LDHD: variants seen among roughly 807,000 people sequenced by gnomAD.
LDHD encodes lactate dehydrogenase D.
A neutral mutation model predicts 52.9 loss-of-function variants in LDHD; 58 were observed. The ratio of observed to expected loss-of-function variants is 1.10; its 90% CI spans 0.89 to 1.36. The LOEUF is 1.36. Among genes scored for constraint, LDHD ranks in the 40% most tolerant of loss-of-function variants. LDHD has a pLI of 0.00. For synonymous variants in LDHD, 350 were observed against 288.6 expected, an observed-to-expected ratio of 1.21 and a Z score of -2.16; for missense variants, 747 against 668.0, an observed-to-expected ratio of 1.12 and a Z score of -1.30.
In LDHD at chr16:75,114,547, G is replaced by A. The variant is rs1377876138; in HGVS notation, c.608C>T (p.Ala203Val). 1 of 1,528,906 alleles carries A rather than the reference G, an allele frequency of 6.5e-7. No homozygotes were observed. The highest frequency in any genetic ancestry group is 8.7e-7 in the Non-Finnish European group (1 of 1,143,020). 94.7% of individuals were successfully genotyped at this position (1,528,906 alleles called of 1,614,324 possible). Reference sequence around the variant, plus strand: ...TCACCGGAAATGCCGGCCTCGGCCCGCCGTGTGCAGCAGCCGCCCGTCGGG... The same window carrying A: ...TCACCGGAAATGCCGGCCTCGGCCCACCGTGTGCAGCAGCCGCCCGTCGGG... ...VLPDGRLLHT[A>V]GRGRHFRKSA... is the part of the protein sequence containing the mutation. Residue 203 changes from alanine (A) to valine (V), a missense_variant, in exon 5 of 11, where the codon GCG (alanine) becomes GTG (valine). Ala to Val is a moderately conservative substitution (Grantham distance 64). Coordinates refer to ENST00000450168, the MANE Select transcript of LDHD (RefSeq NM_194436.3).
intron 2 of LDHD, 89 bp downstream of exon 2, chr16:75,115,459 T>C (rs1247480362): frequency 8.2e-6 from 13 of 1,587,194 alleles, no homozygotes; most frequent in Non-Finnish European, 1.1e-5. Context: ...CCAAAACAGA[T>C]GAGTGAGGAG....
Position 75,113,857 on chromosome 16 carries a change from T to C in LDHD, c.843A>G (p.Glu281=). 1 of 1,613,920 alleles carries C rather than the reference T, an allele frequency of 6.2e-7. No homozygotes were observed. The change falls in exon 7 of 11, where the codon GAA becomes GAG. Residue 281 remains glutamate (E), a synonymous_variant. Coordinates refer to ENST00000450168, the MANE Select transcript of LDHD (RefSeq NM_194436.3). The part of the protein sequence containing the change: ...VPVARIEFLD[E]VMMDACNRYS... ...ACCTGTTGCAGGCATCCATCATGAC[T>C]TCATCCAGGAACTCTGGATCCAGGG...
rs867181044 is a variant in LDHD, at chr16:75,112,763, C to T, written c.1178-50G>A. The T allele has an allele frequency of 3.1e-6, 5 of 1,600,942 alleles. No individual in the cohort carries two copies. In the South Asian group the frequency reaches 5.5e-5, roughly 18 times the overall value. ...TTCTCCAGCCCAGTCCTCCTCTTGC[C>T]TCCTGCTGCCCCAGGCTCTGATCAG... On this transcript the variant is annotated intron_variant, in intron 9 of 10. Transcript: ENST00000450168.
In LDHD at chr16:75,114,836, AC is replaced by A; in HGVS notation, c.459del (p.Trp153CysfsTer121). ...GGTTCGCGAGTCCTACCCACGGGAAACCAGAGGCCGCTGTCCCGCAGGTGGG... is the reference window on the plus strand; with the variant it reads ...GGTTCGCGAGTCCTACCCACGGGAAACAGAGGCCGCTGTCCCGCAGGTGGG... ...LNAHLRDSGLWFPVDPGADAS... is the reference protein window; with the variant it reads ...LNAHLRDSGLXFPVDPGADAS... On this transcript the variant is annotated frameshift_variant, in exon 4 of 11. Coordinates refer to ENST00000450168, the MANE Select transcript of LDHD (RefSeq NM_194436.3). LOFTEE classifies it high-confidence loss of function. 1.2e-6 allele frequency: 2 copies of A among 1,612,996 alleles called. No individual in the cohort carries two copies. The highest frequency in any genetic ancestry group is 2.7e-5 in the African/African-American group (2 of 74,998).
chr16:75,114,781 C>T lies in LDHD; in HGVS notation c.469+46G>A, dbSNP rs201416688. The T allele has an allele frequency of 3.0e-4, 480 of 1,595,946 alleles. No individual in the cohort carries two copies. The Middle Eastern group carries it at 3.4e-3, about 11-fold the overall frequency. ...CCCCTGAACCCCAGACACAGCCCTG[C>T]TCCCACGGTGCCCTCAGGGTCCCAG... On this transcript the variant is annotated intron_variant, in intron 4 of 10. Coordinates refer to ENST00000450168, the MANE Select transcript of LDHD (RefSeq NM_194436.3).
chr16:75,116,601 C>T, intron 1 of LDHD, 48 bp downstream of exon 1: 1 of 1,515,136 alleles, frequency 6.6e-7, no homozygotes, highest in Non-Finnish European at 9.1e-7. Flanking sequence ...CCCCTGCTCC[C>T]CGCTCCCCAC....
chr16:75,114,721 C>A, intron 4 of LDHD, 36 bp from the exon 5 acceptor site: 1 of 1,544,702 alleles, frequency 6.5e-7, no homozygotes. Flanking sequence ...CCTCAGGGAC[C>A]GGAGGTCCTT....
chr16:75,112,287 G>T lies in LDHD; in HGVS notation c.*69C>A. On this transcript the variant is annotated 3_prime_UTR_variant, in exon 11 of 11. Coordinates refer to ENST00000450168, the MANE Select transcript of LDHD (RefSeq NM_194436.3). ...GCATCTATTTCCTTGCAGGGGCCGT[G>T]GCATGAAGAAAAGTTCCAGAACCGG... is the stretch of plus-strand genomic sequence containing the variant. 2 of 1,513,112 alleles carry T rather than the reference G, an allele frequency of 1.3e-6. No homozygotes were observed. The highest frequency in any genetic ancestry group is 9.0e-7 in the Non-Finnish European group (1 of 1,113,984). 93.7% of individuals were successfully genotyped at this position (1,513,112 alleles called of 1,614,324 possible).
intron 3 of LDHD, 97 bp downstream of exon 3, chr16:75,115,101 C>T: frequency 1.3e-6 from 2 of 1,547,412 alleles, no homozygotes; most frequent in Non-Finnish European, 8.7e-7. Context: ...CGGGCGGGAG[C>T]AGACCCAAGG....
rs1021013753 is a variant in LDHD, at chr16:75,114,965, C to T, written c.331G>A (p.Gly111Ser). Residue 111 changes from glycine (G) to serine (S), a missense_variant, in exon 4 of 11, where the codon GGC (glycine) becomes AGC (serine). Coordinates refer to ENST00000450168, the MANE Select transcript of LDHD (RefSeq NM_194436.3). The part of the protein sequence containing the change: ...LEGGVCAVQG[G>S]VCVNLTHMDR... ...ATATGCGTCAGGTTAACGCAGACGC[C>T]GCCCTGGTTGGGGCAGGTGCTAAGA... 2 of 1,609,934 alleles carry T rather than the reference C, an allele frequency of 1.2e-6. No individual in the cohort carries two copies. The highest frequency in any genetic ancestry group is 1.3e-5 in the African/African-American group (1 of 74,934).
In LDHD at chr16:75,114,983, T is replaced by C. The variant is rs753315890; in HGVS notation, c.328-15A>G. Reference sequence around the variant, plus strand: ...CAGACGCCGCCCTGGTTGGGGCAGGTGCTAAGACCACTGCAGACCTGGGTC... The same window carrying C: ...CAGACGCCGCCCTGGTTGGGGCAGGCGCTAAGACCACTGCAGACCTGGGTC... On this transcript the variant is annotated splice_polypyrimidine_tract_variant and intron_variant, in intron 3 of 10. Transcript: ENST00000450168. The C allele has an allele frequency of 1.9e-6, 3 of 1,603,952 alleles. No homozygotes were observed. The highest frequency in any genetic ancestry group is 2.6e-6 in the Non-Finnish European group (3 of 1,175,276).
rs187504515 is a variant in LDHD, at chr16:75,112,655, A to C, written c.1236T>G (p.Pro412=). Reference sequence around the variant, plus strand: ...CCCTGCCCAGTTCCTCGGCGTCATCAGGGTTGACCAGCAGGATGCAGTGGA... The same window carrying C: ...CCCTGCCCAGTTCCTCGGCGTCATCCGGGTTGACCAGCAGGATGCAGTGGA... ...GNFHCILLVN[P]DDAEELGRVK... The change falls in exon 10 of 11, where the codon CCT becomes CCG. Residue 412 remains proline (P), a synonymous_variant. Transcript: ENST00000450168. 1 of 1,614,144 alleles carries C rather than the reference A, an allele frequency of 6.2e-7. No individual in the cohort carries two copies. The highest frequency in any genetic ancestry group is 8.5e-7 in the Non-Finnish European group (1 of 1,180,024).
Position 75,115,309 on chromosome 16 carries a change from G to A in LDHD, c.216C>T (p.Pro72=), listed in dbSNP as rs2036524080. Residue 72 remains proline, a synonymous_variant, in exon 3 of 11, where the codon CCC becomes CCT. Transcript: ENST00000450168. ...RCEPPDAVVW[P]QNVEQVSRLA... ...GCCGGCTGACCTGCTCCACGTTCTGGGGCCACACCACAGCATCAGGAGGTT... is the reference window on the plus strand; with the variant it reads ...GCCGGCTGACCTGCTCCACGTTCTGAGGCCACACCACAGCATCAGGAGGTT... 6.2e-7 allele frequency: 1 copy of A among 1,613,614 alleles called. No homozygotes were observed. Among genetic ancestry groups the A allele is most frequent in the Non-Finnish European group, 8.5e-7 (1 of 1,180,012 alleles).
At position 75,114,120 on chromosome 16, in the gene LDHD, G is replaced by A. The variant is rs551151109; in HGVS notation, c.675C>T (p.Ser225=). ...CTGTGATGAGGCCCAGCGTCCCCTC[G>A]GAGCCCACGAAGAGCCCCGTGAGGT... ...GYNLTGLFVG[S]EGTLGLITAT... Residue 225 remains serine (S), a synonymous_variant, in exon 6 of 11, where the codon TCC becomes TCT. Transcript: ENST00000450168. 1.7e-5 allele frequency: 27 copies of A among 1,612,646 alleles called. No individual in the cohort carries two copies. The highest frequency in any genetic ancestry group is 2.2e-5 in the East Asian group (1 of 44,862).
chr16:75,115,731 G>T (rs988820508), intron 1 of LDHD, 71 bp from the exon 2 acceptor site: 2 of 997,418 alleles, frequency 2.0e-6, no homozygotes, highest in Non-Finnish European at 2.9e-6. Context: ...CCCAGTGTCG[G>T]GGGGAGGGCT....
chr16:75,112,498 G>A lies in LDHD; in HGVS notation c.1313C>T (p.Thr438Met), dbSNP rs146356767. 17 of 1,613,170 alleles carry A rather than the reference G, an allele frequency of 1.1e-5. No homozygotes were observed. The Admixed American group carries it at 1.2e-4, about 11-fold the overall frequency. ...TCCGATGCCATGCTCCCCCGTGCAC[G>A]TTCCGTGGAGAGCCAGTGCCCGCCT... ...LGRRALALHG[T>M]CTGEHGIGMG... Residue 438 changes from threonine to methionine, a missense_variant, in exon 11 of 11, where the codon ACG becomes ATG. Coordinates refer to ENST00000450168, the MANE Select transcript of LDHD (RefSeq NM_194436.3).
Position 75,114,088 on chromosome 16 carries a change from G to A in LDHD, c.707C>T (p.Thr236Ile), listed in dbSNP as rs1334491479. 7 of 1,611,754 alleles carry A rather than the reference G, an allele frequency of 4.3e-6. No homozygotes were observed. Among genetic ancestry groups the A allele is most frequent in the East Asian group, 2.2e-5 (1 of 44,882 alleles). Reference sequence around the variant, plus strand: ...CTCAGGGGCAGGGTGCAGGCGCAGGGTGGTGGCTGTGATGAGGCCCAGCGT... The same window carrying A: ...CTCAGGGGCAGGGTGCAGGCGCAGGATGGTGGCTGTGATGAGGCCCAGCGT... ...EGTLGLITATTLRLHPAPEAT... is the reference protein window; with the variant it reads ...EGTLGLITATILRLHPAPEAT... Residue 236 changes from threonine (T) to isoleucine (I), a missense_variant, in exon 6 of 11, where the codon ACC becomes ATC. Thr to Ile is a moderately conservative substitution (Grantham distance 89). Transcript: ENST00000450168.
Position 75,112,714 on chromosome 16 carries a change from C to G in LDHD, c.1178-1G>C. On this transcript the variant is annotated splice_acceptor_variant, in intron 9 of 10. Transcript: ENST00000450168. LOFTEE classifies it high-confidence loss of function. ...TCACCCACATGCCCGACAATGCTTC[C>G]TGGGGGCCCAGAGGACAGAACTATT... 9 of 1,613,442 alleles carry G rather than the reference C, an allele frequency of 5.6e-6. No individual in the cohort carries two copies. Among genetic ancestry groups the G allele is most frequent in the Non-Finnish European group, 6.8e-6 (8 of 1,179,468 alleles).
chr16:75,112,534 A>G lies in LDHD; in HGVS notation c.1290-13T>C. 2 of 1,613,104 alleles carry G rather than the reference A, an allele frequency of 1.2e-6. No homozygotes were observed. Among genetic ancestry groups the G allele is most frequent in the Non-Finnish European group, 1.7e-6 (2 of 1,179,610 alleles). ...AGCCAGTGCCCGCCTGGGGGCAGGAAGGAGACATCCTCAGGGGGCTCCCTT... is the reference window on the plus strand; with the variant it reads ...AGCCAGTGCCCGCCTGGGGGCAGGAGGGAGACATCCTCAGGGGGCTCCCTT... On this transcript the variant is annotated splice_polypyrimidine_tract_variant and intron_variant, in intron 10 of 10. Coordinates refer to ENST00000450168, the MANE Select transcript of LDHD (RefSeq NM_194436.3).
Sources: allele counts gnomAD v4.1 joint callset, GRCh38; gene constraint gnomAD v4.1.1; transcripts MANE v1.5; gene names NCBI Gene and HGNC (gene_info 2026-07-23, HGNC 2026-07-21).